Variants in PIP4K2A observed in about 807,000 individuals in gnomAD.
PIP4K2A encodes the protein phosphatidylinositol-5-phosphate 4-kinase type 2 alpha, also known as phosphatidylinositol 5-phosphate 4-kinase type-2 alpha.
A neutral mutation model predicts 42.9 loss-of-function variants in PIP4K2A; 14 were observed. The observed-to-expected ratio is 0.33, with a 90% confidence interval of 0.22 to 0.51. The LOEUF is 0.51. PIP4K2A is among the 20% of genes least tolerant of loss of function. PIP4K2A has a pLI of 0.97. For synonymous variants in PIP4K2A, 192 were observed against 192.2 expected (o/e 1.00, Z 0.01); for missense variants, 434 against 519.8 (o/e 0.83, Z 1.61).
At chr10:22,709,123 A>C (rs1050929366) in intron 1 of PIP4K2A, among the ~76,000 whole-genome samples, 1 of 151,486 alleles carries the variant, frequency 6.6e-6, no homozygotes, top group Non-Finnish European at 1.5e-5. Context: ...TTTTTTTTTA[A>C]AAGTCCCCGA....
At chr10:22,673,952 G>A (rs1395424356) in intron 1 of PIP4K2A, among the ~76,000 whole-genome samples, 1 of 152,192 alleles carries the variant, frequency 6.6e-6, no homozygotes, top group Non-Finnish European at 1.5e-5. Flanking sequence ...AGCCATCCCA[G>A]AGGAATATTA....
intron 1 of PIP4K2A, among the ~76,000 whole-genome samples, chr10:22,664,105 A>ATATATATATACATATATATATATACG (rs1564459943): frequency 9.6e-5 from 6 of 62,818 alleles, no homozygotes; most frequent in Non-Finnish European, 1.6e-4. Flanking sequence ...ATATATATAC[A>ATATATATATACATATATATATATACG]TATATATATA....
chr10:22,664,048 C>CGTATATATATATATACAT lies in PIP4K2A; in HGVS notation c.144+50134_144+50135insATGTATATATATATATAC, dbSNP rs1321083819. 3.4e-4 allele frequency among the ~76,000 whole-genome samples: 26 copies of CGTATATATATATATACAT among 76,806 alleles called. 2 individuals carry two copies. Among genetic ancestry groups the CGTATATATATATATACAT allele is most frequent in the African/African-American group, 2.8e-3 (26 of 9,432 alleles). 50.4% of individuals were successfully genotyped at this position (76,806 alleles called of 152,430 possible). On this transcript the variant is annotated intron_variant, in intron 1 of 9. Transcript: ENST00000376573. ...ATATATATACATATATATATATATA[C>CGTATATATATATATACAT]ATATGTATATATACATATATATATA...
chr10:22,621,949 A>AGGAAG (rs1205992436), intron 1 of PIP4K2A, among the ~76,000 whole-genome samples: 1 of 152,192 alleles, frequency 6.6e-6, no homozygotes, highest in East Asian at 1.9e-4. Flanking sequence ...GAACAATGAG[A>AGGAAG]GGAAGGGTAC....
At chr10:22,667,199 A>G (rs1164579335) in intron 1 of PIP4K2A, among the ~76,000 whole-genome samples, 2 of 152,226 alleles carry the variant, frequency 1.3e-5, no homozygotes, top group African/African-American at 4.8e-5. Context: ...ATGATGCTTA[A>G]AAGAGCAAGA....
At chr10:22,596,724 A>C (rs1837643441) in intron 3 of PIP4K2A, among the ~76,000 whole-genome samples, 2 of 152,222 alleles carry the variant, frequency 1.3e-5, no homozygotes, top group Admixed American at 1.3e-4. Flanking sequence ...TTAGAGTTGG[A>C]AGCAACCTTG....
chr10:22,587,629 C>T (rs9645524), intron 4 of PIP4K2A, among the ~76,000 whole-genome samples: 29,497 of 152,090 alleles, frequency 0.19, 3,632 homozygotes, highest in Non-Finnish European at 0.28. Flanking sequence ...GGCCTGTGTC[C>T]GGTCACACAG....
At chr10:22,581,473 T>C (rs1357099238) in intron 4 of PIP4K2A, among the ~76,000 whole-genome samples, 3 of 151,000 alleles carry the variant, frequency 2.0e-5, no homozygotes, top group African/African-American at 7.3e-5. Flanking sequence ...AAAATGTTAT[T>C]TTTGCCCAGT....
intron 5 of PIP4K2A, among the ~76,000 whole-genome samples, chr10:22,571,448 T>C (rs1315621704): frequency 2.6e-5 from 4 of 152,268 alleles, no homozygotes; most frequent in Non-Finnish European, 2.9e-5. Flanking sequence ...ACTTTTCTGA[T>C]GACATTGGTG....
chr10:22,539,701 G>A, intron 9 of PIP4K2A: 1 of 372,976 alleles, frequency 2.7e-6, no homozygotes, highest in Non-Finnish European at 4.8e-6. Flanking sequence ...TTCGCTGGAA[G>A]CCACAGGGAG....
At chr10:22,708,999 G>T (rs1406665272) in intron 1 of PIP4K2A, among the ~76,000 whole-genome samples, 1 of 152,084 alleles carries the variant, frequency 6.6e-6, no homozygotes, top group East Asian at 1.9e-4. Flanking sequence ...GCCCAGGCTG[G>T]TCTCAAAATC....
intron 1 of PIP4K2A, among the ~76,000 whole-genome samples, chr10:22,621,104 A>C (rs1232204328): frequency 1.3e-5 from 2 of 152,202 alleles, no homozygotes; most frequent in African/African-American, 4.8e-5. Context: ...AAGCATCACC[A>C]TTGATGCACA....
At chr10:22,659,740 G>T (rs1299731244) in intron 1 of PIP4K2A, 1 of 152,198 alleles carries the variant, frequency 6.6e-6, no homozygotes. Context: ...CCTGGAAGTG[G>T]AAGTTGCAGA....
At chr10:22,612,561 T>C (rs1165262875) in intron 1 of PIP4K2A, among the ~76,000 whole-genome samples, 2 of 152,060 alleles carry the variant, frequency 1.3e-5, no homozygotes, top group South Asian at 2.1e-4. Flanking sequence ...TGCTGTAGAA[T>C]TGCACCAGAC....
chr10:22,541,719 A>G (rs1836118841), intron 8 of PIP4K2A, 85 bp downstream of exon 8: 1 of 1,428,584 alleles, frequency 7.0e-7, no homozygotes, highest in African/African-American at 1.4e-5. Context: ...GCACCCTCAT[A>G]ACTGGGGTAG....
At chr10:22,660,371 T>C (rs1839181399) in intron 1 of PIP4K2A, among the ~76,000 whole-genome samples, 1 of 152,098 alleles carries the variant, frequency 6.6e-6, no homozygotes, top group African/African-American at 2.4e-5. Context: ...CTTGGGAGGC[T>C]GAGGCAGGAG....
chr10:22,657,488 T>C (rs954530881), intron 1 of PIP4K2A, among the ~76,000 whole-genome samples: 1 of 152,242 alleles, frequency 6.6e-6, no homozygotes, highest in Non-Finnish European at 1.5e-5. Flanking sequence ...TAGAGCAATT[T>C]TGGATTTTTC....
At chr10:22,657,133 T>C (rs1839116696) in intron 1 of PIP4K2A, among the ~76,000 whole-genome samples, 1 of 152,216 alleles carries the variant, frequency 6.6e-6, no homozygotes, top group Non-Finnish European at 1.5e-5. Flanking sequence ...GTGATTGATA[T>C]ATCAAACATC....
chr10:22,685,784 C>T (rs532922017), intron 1 of PIP4K2A, among the ~76,000 whole-genome samples: 1 of 152,180 alleles, frequency 6.6e-6, no homozygotes, highest in Admixed American at 6.5e-5. Flanking sequence ...AAGAGAAAAG[C>T]TACCTAGTCC....
Sources: gnomAD v4.1 joint callset for allele counts (sites outside exome capture counted in the v4.1 genomes callset) on GRCh38, gnomAD v4.1.1 for gene constraint, MANE v1.5 for transcripts, NCBI Gene and HGNC (gene_info 2026-07-23, HGNC 2026-07-21) for gene names.